ZIK1: variants seen among roughly 807,000 people sequenced by gnomAD.
ZIK1 encodes the protein zinc finger protein interacting with ribonucleoprotein K.
ZIK1 carries 12 observed loss-of-function variants against 10.7 expected under a neutral mutation model. The ratio of observed to expected loss-of-function variants is 1.12; its 90% CI spans 0.72 to 1.81. The LOEUF (loss-of-function observed/expected upper bound fraction) is 1.81, where lower values mean the gene tolerates loss of function less well. ZIK1 is among the 40% of genes most tolerant of loss of function. The pLI is 0.00. For synonymous variants in ZIK1, 190 were observed against 205.0 expected, an observed-to-expected ratio of 0.93 and a Z score of 0.63; for missense variants, 497 against 585.7, an observed-to-expected ratio of 0.85 and a Z score of 1.56.
Position 57,591,414 on chromosome 19 carries a change from G to A in ZIK1, c.*139G>A. 1.2e-6 allele frequency: 1 copy of A among 855,924 alleles called. No homozygotes were observed. Among genetic ancestry groups the A allele is most frequent in the South Asian group, 1.9e-5 (1 of 51,652 alleles). 53.0% of individuals were successfully genotyped at this position (855,924 alleles called of 1,614,324 possible). On this transcript the variant is annotated 3_prime_UTR_variant, in exon 4 of 4. Coordinates refer to ENST00000597850, the MANE Select transcript of ZIK1 (RefSeq NM_001010879.4). ...CTCTGTAGTATTGTAGCAGTAGAGA[G>A]CCTTTGTGAGGGAGCCATCTGCCTG...
chr19:57,584,868 T>C, intron 1 of ZIK1, 84 bp from the exon 2 acceptor site: 1 of 1,508,620 alleles, frequency 6.6e-7, no homozygotes, highest in Non-Finnish European at 9.1e-7. Context: ...CACCTGGCTC[T>C]GGCCTGGACA....
At chr19:57,588,106 A>G (rs1979324898) in intron 2 of ZIK1, among the ~76,000 whole-genome samples, 1 of 151,648 alleles carries the variant, frequency 6.6e-6, no homozygotes, top group Non-Finnish European at 1.5e-5. Context: ...GCACTGGATG[A>G]TGTCTCAATT....
At position 57,592,378 on chromosome 19, in the gene ZIK1, G is replaced by A. The variant is rs535914340; in HGVS notation, c.*1103G>A. 1 of 152,328 alleles carries A rather than the reference G, an allele frequency of 6.6e-6. No individual in the cohort carries two copies. The highest frequency in any genetic ancestry group is 1.9e-4 in the East Asian group (1 of 5,192). 9.4% of individuals were successfully genotyped at this position (152,328 alleles called of 1,614,324 possible). On this transcript the variant is annotated 3_prime_UTR_variant, in exon 4 of 4. Coordinates refer to ENST00000597850, the MANE Select transcript of ZIK1 (RefSeq NM_001010879.4). ...TACATTTACAAATCTTCCCGTGACT[G>A]TGGCTTTGAGCAGTCATAGGACCTA... is the stretch of plus-strand genomic sequence containing the variant.
Position 57,588,529 on chromosome 19 carries a change from A to G in ZIK1, c.73-10A>G, listed in dbSNP as rs187714371. On this transcript the variant is annotated splice_polypyrimidine_tract_variant and intron_variant, in intron 2 of 3. Coordinates refer to ENST00000597850, the MANE Select transcript of ZIK1 (RefSeq NM_001010879.4). ...GTTGATTGTGGAGTGACCTGTCCCC[A>G]TCATGACAGGGCTGTGTGACCTTTG... 7 of 1,480,436 alleles carry G rather than the reference A, an allele frequency of 4.7e-6. No individual in the cohort carries two copies. In the African/African-American group the frequency reaches 5.6e-5, roughly 12 times the overall value. 91.7% of individuals were successfully genotyped at this position (1,480,436 alleles called of 1,614,324 possible). A position where few individuals can be genotyped will look rare whatever the true frequency, so the allele number is the denominator to read the frequency against.
At position 57,584,615 on chromosome 19, in the gene ZIK1, G is replaced by A. The variant is rs991058124; in HGVS notation, c.33+226G>A. 5.7e-6 allele frequency: 8 copies of A among 1,391,936 alleles called. No individual in the cohort carries two copies. The African/African-American group carries it at 7.3e-5, about 13-fold the overall frequency. 86.2% of individuals were successfully genotyped at this position (1,391,936 alleles called of 1,614,324 possible). A position where few individuals can be genotyped will look rare whatever the true frequency, so the allele number is the denominator to read the frequency against. On this transcript the variant is annotated intron_variant, in intron 1 of 3. Coordinates refer to ENST00000597850, the MANE Select transcript of ZIK1 (RefSeq NM_001010879.4). ...AGGTTCATACCTGGAGTGCCAAGGTGAGGAGTTTTCCCTCAATTCTTAGGA... is the reference window on the plus strand; with the variant it reads ...AGGTTCATACCTGGAGTGCCAAGGTAAGGAGTTTTCCCTCAATTCTTAGGA...
chr19:57,587,389 C>T (rs1979263234), intron 2 of ZIK1, among the ~76,000 whole-genome samples: 1 of 152,140 alleles, frequency 6.6e-6, no homozygotes, highest in Non-Finnish European at 1.5e-5. Context: ...ATGCTTAAAG[C>T]CTAATTCCAG....
In ZIK1 at chr19:57,593,004, T is replaced by C. The variant is rs1979829556; in HGVS notation, c.*1729T>C. 6.6e-6 allele frequency: 1 copy of C among 152,080 alleles called. No individual in the cohort carries two copies. The highest frequency in any genetic ancestry group is 6.6e-5 in the Admixed American group (1 of 15,240). The allele number at this position is 152,080 out of a possible 1,614,324, so 9.4% of individuals were successfully genotyped here. ...TGTGTTTTCTAGGATTTTATGTGAA[T>C]TGAAACGTAAAATACTTACTCCATT... is the stretch of plus-strand genomic sequence containing the variant. On this transcript the variant is annotated 3_prime_UTR_variant, in exon 4 of 4. Transcript: ENST00000597850.
chr19:57,585,098 A>T (rs1979023093), intron 2 of ZIK1, 108 bp downstream of exon 2: 5 of 1,018,208 alleles, frequency 4.9e-6, no homozygotes, highest in Non-Finnish European at 7.1e-6. Flanking sequence ...CTCTTCACAA[A>T]CTGGAAGCTT....
rs747905556 is a variant in ZIK1, at chr19:57,590,784, T to C, written c.973T>C (p.Cys325Arg). 1 of 1,614,048 alleles carries C rather than the reference T, an allele frequency of 6.2e-7. No individual in the cohort carries two copies. The highest frequency in any genetic ancestry group is 1.3e-5 in the African/African-American group (1 of 74,920). The change falls in exon 4 of 4, where the codon TGT (cysteine) becomes CGT (arginine). Residue 325 changes from cysteine to arginine, a missense_variant. Cys to Arg is a radical substitution (Grantham distance 180). Coordinates refer to ENST00000597850, the MANE Select transcript of ZIK1 (RefSeq NM_001010879.4). Reference sequence around the variant, plus strand: ...ACACACTGGAGCAAGGCCTTATGAGTGTAGCCAGTGTGGGAAATCCTTTAG... The same window carrying C: ...ACACACTGGAGCAAGGCCTTATGAGCGTAGCCAGTGTGGGAAATCCTTTAG... ...KIHTGARPYE[C>R]SQCGKSFSQK...
Position 57,593,630 on chromosome 19 carries a change from A to G in ZIK1, c.*2355A>G, listed in dbSNP as rs920307995. On this transcript the variant is annotated 3_prime_UTR_variant, in exon 4 of 4. Transcript: ENST00000597850. ...TTGCATTCTCATCAACAGTATGTGAACCTTCTTATTTCTCTACATTCTTGC... is the reference window on the plus strand; with the variant it reads ...TTGCATTCTCATCAACAGTATGTGAGCCTTCTTATTTCTCTACATTCTTGC... 5 of 151,916 alleles carry G rather than the reference A, an allele frequency of 3.3e-5. No homozygotes were observed. The highest frequency in any genetic ancestry group is 7.4e-5 in the Non-Finnish European group (5 of 67,988). 9.4% of individuals were successfully genotyped at this position (151,916 alleles called of 1,614,324 possible).
At chr19:57,587,449 G>A (rs1979267762) in intron 2 of ZIK1, among the ~76,000 whole-genome samples, 1 of 152,130 alleles carries the variant, frequency 6.6e-6, no homozygotes. Flanking sequence ...AGGTCATGAG[G>A]GTGGAGCCCT....
rs1047637808 is a variant in ZIK1 at position 57,585,075 on chromosome 19, T to G, written c.72+85T>G. The G allele has an allele frequency of 2.9e-6, 4 of 1,379,674 alleles. No individual in the cohort carries two copies. The African/African-American group carries it at 5.8e-5, about 20-fold the overall frequency. 85.5% of individuals were successfully genotyped at this position (1,379,674 alleles called of 1,614,324 possible). On this transcript the variant is annotated intron_variant, in intron 2 of 3. Transcript: ENST00000597850. ...GGATCTTTTTGCCACCATCCAGTTC[T>G]TTGACCTAAGGACTCTTCACAAACT...
Position 57,584,353 on chromosome 19 carries a change from T to C in ZIK1, c.-4T>C. The C allele has an allele frequency of 6.3e-7, 1 of 1,598,978 alleles. No homozygotes were observed. The highest frequency in any genetic ancestry group is 1.1e-5 in the South Asian group (1 of 88,644). ...TCCCGGCCCCGCTCTGCCCACAGAC[T>C]CCGATGGCTGCGGCCGCGCTGAGGG... On this transcript the variant is annotated 5_prime_UTR_variant, in exon 1 of 4. Transcript: ENST00000597850.
Position 57,584,368 on chromosome 19 carries a change from CGCGCTGAGGGCCCCGACTCAGGTGA to C in ZIK1, c.19_33+10del, listed in dbSNP as rs1599915490. 1.2e-6 allele frequency: 2 copies of C among 1,604,458 alleles called. No homozygotes were observed. The highest frequency in any genetic ancestry group is 2.7e-5 in the African/African-American group (2 of 74,740). ...GCCCACAGACTCCGATGGCTGCGGCCGCGCTGAGGGCCCCGACTCAGGTGAGCGCTGCCTCTACTGGGCCTCACCC... is the reference window on the plus strand; with the variant it reads ...GCCCACAGACTCCGATGGCTGCGGCCGCGCTGCCTCTACTGGGCCTCACCC... On this transcript the variant is annotated splice_donor_variant and splice_donor_region_variant and coding_sequence_variant and intron_variant, in exon 1 of 4. Transcript: ENST00000597850. LOFTEE classifies it high-confidence loss of function.
chr19:57,589,592 G>A, intron 3 of ZIK1: 23 of 985,266 alleles, frequency 2.3e-5, no homozygotes, highest in Non-Finnish European at 2.5e-5. Context: ...GAAGATATGT[G>A]ATCATATCAC....
chr19:57,584,162 C>T lies in ZIK1; in HGVS notation c.-195C>T. ...ATCACTTCAGTGGCGGTCATTTTTG[C>T]AGCGCTTGGGTGCATCCAGACCGTC... On this transcript the variant is annotated 5_prime_UTR_variant, in exon 1 of 4. Transcript: ENST00000597850. The T allele has an allele frequency of 1.8e-6, 2 of 1,084,586 alleles. No homozygotes were observed. The highest frequency in any genetic ancestry group is 1.7e-5 in the South Asian group (1 of 58,280). The allele number at this position is 1,084,586 out of a possible 1,614,324, so 67.2% of individuals were successfully genotyped here.
At position 57,590,713 on chromosome 19, in the gene ZIK1, G is replaced by T; in HGVS notation, c.902G>T (p.Gly301Val). ...GERPYECSEC[G>V]KLFRQNSSLV... ...AGGCCTTATGAGTGCAGCGAATGTG[G>T]AAAATTATTTAGACAAAACTCCAGC... is the stretch of plus-strand genomic sequence containing the variant. The change falls in exon 4 of 4, where the codon GGA (glycine) becomes GTA (valine). Residue 301 changes from glycine to valine, a missense_variant. By Grantham distance (109) the Gly-to-Val change is moderately radical. Coordinates refer to ENST00000597850, the MANE Select transcript of ZIK1 (RefSeq NM_001010879.4). The T allele has an allele frequency of 6.2e-7, 1 of 1,614,180 alleles. No individual in the cohort carries two copies. Among genetic ancestry groups the T allele is most frequent in the Non-Finnish European group, 8.5e-7 (1 of 1,180,034 alleles).
In ZIK1 at chr19:57,588,538, G is replaced by A; in HGVS notation, c.73-1G>A. On this transcript the variant is annotated splice_acceptor_variant, in intron 2 of 3. Transcript: ENST00000597850. LOFTEE classifies it high-confidence loss of function. ...GGAGTGACCTGTCCCCATCATGACA[G>A]GGCTGTGTGACCTTTGAGGACATCG... 1.3e-6 allele frequency: 2 copies of A among 1,512,972 alleles called. No homozygotes were observed. The highest frequency in any genetic ancestry group is 1.4e-5 in the African/African-American group (1 of 72,038). 93.7% of individuals were successfully genotyped at this position (1,512,972 alleles called of 1,614,324 possible). A position where few individuals can be genotyped will look rare whatever the true frequency, so the allele number is the denominator to read the frequency against.
At position 57,590,490 on chromosome 19, in the gene ZIK1, G is replaced by A; in HGVS notation, c.679G>A (p.Val227Ile). ...GGCTTCCAGGCACAAACACACTCCT[G>A]TTTACCATCCAAGAGTCTACACTGG... ...GKASRHKHTPVYHPRVYTGKK... is the reference protein window; with the variant it reads ...GKASRHKHTPIYHPRVYTGKK... Residue 227 changes from valine (V) to isoleucine (I), a missense_variant, in exon 4 of 4, where the codon GTT becomes ATT. Val to Ile is a conservative substitution (Grantham distance 29, BLOSUM62 3). Coordinates refer to ENST00000597850, the MANE Select transcript of ZIK1 (RefSeq NM_001010879.4). 1 of 1,613,888 alleles carries A rather than the reference G, an allele frequency of 6.2e-7. No homozygotes were observed. Among genetic ancestry groups the A allele is most frequent in the Non-Finnish European group, 8.5e-7 (1 of 1,179,956 alleles).
Sources: allele counts gnomAD v4.1 joint callset (sites outside exome capture counted in the v4.1 genomes callset), GRCh38; gene constraint gnomAD v4.1.1; transcripts MANE v1.5; gene names NCBI Gene and HGNC (gene_info 2026-07-23, HGNC 2026-07-21).